Variants in HPSE2 observed in about 807,000 individuals in gnomAD.
The protein encoded by HPSE2 is inactive heparanase-2.
In HPSE2, 38 loss-of-function variants were observed where a neutral mutation model predicts 60.5. That is an observed-to-expected ratio of 0.63 (90% CI 0.48 to 0.82). HPSE2 has a LOEUF of 0.82. HPSE2 is among the 40% of genes least tolerant of loss of function. The pLI is 0.00. For synonymous variants in HPSE2, 295 were observed against 293.2 expected (o/e 1.01, Z -0.06); for missense variants, 713 against 740.4 (o/e 0.96, Z 0.43).
At chr10:98,518,195 G>A (rs560165282) in intron 9 of HPSE2, among the ~76,000 whole-genome samples, 4 of 152,312 alleles carry the variant, frequency 2.6e-5, no homozygotes, top group South Asian at 2.1e-4. Context: ...GATGGATAGG[G>A]CTTTTTCAGG....
At chr10:98,892,391 T>C (rs1360028682) in intron 3 of HPSE2, among the ~76,000 whole-genome samples, 1 of 152,170 alleles carries the variant, frequency 6.6e-6, no homozygotes, top group African/African-American at 2.4e-5. Flanking sequence ...TTTGAATAAA[T>C]ATTCTTTAAT....
chr10:98,951,824 A>C (rs901982573), intron 3 of HPSE2, among the ~76,000 whole-genome samples: 7 of 152,192 alleles, frequency 4.6e-5, no homozygotes, highest in African/African-American at 1.7e-4. Flanking sequence ...GCTAACATTT[A>C]TTCACTGCTC....
chr10:99,121,986 G>C (rs1844971884), intron 3 of HPSE2, among the ~76,000 whole-genome samples: 1 of 151,982 alleles, frequency 6.6e-6, no homozygotes, highest in South Asian at 2.1e-4. Context: ...TAGACAGAAA[G>C]AAGTCCACAA....
At chr10:98,521,038 T>C (rs953099409) in intron 9 of HPSE2, among the ~76,000 whole-genome samples, 1 of 152,200 alleles carries the variant, frequency 6.6e-6, no homozygotes, top group Non-Finnish European at 1.5e-5. Flanking sequence ...ATAAAATCCC[T>C]AGAAGAAAAC....
intron 3 of HPSE2, among the ~76,000 whole-genome samples, chr10:98,762,321 G>GA (rs926448440): frequency 1.3e-5 from 2 of 151,108 alleles, no homozygotes; most frequent in African/African-American, 2.4e-5. Context: ...AAAACCTTGA[G>GA]AAAAAAGATA....
intron 2 of HPSE2, among the ~76,000 whole-genome samples, chr10:99,223,175 ATTACTTAACC>A (rs1300087689): frequency 6.6e-5 from 10 of 152,136 alleles, no homozygotes; most frequent in Non-Finnish European, 1.2e-4. Context: ...TCTTGGGCAA[ATTACTTAACC>A]TCTCTGTGCC....
the HPSE2 span, among the ~76,000 whole-genome samples, chr10:99,248,211 C>T: frequency 1.3e-5 from 2 of 152,128 alleles, no homozygotes; most frequent in Admixed American, 1.3e-4. Context: ...AAGTTTGAAA[C>T]CTCCTAGAGC....
intron 2 of HPSE2, among the ~76,000 whole-genome samples, chr10:99,188,022 T>G (rs1376957939): frequency 2.0e-5 from 3 of 152,188 alleles, no homozygotes; most frequent in East Asian, 1.9e-4. Context: ...AATTGTATAG[T>G]AAGCAAATTC....
chr10:98,708,054 G>A (rs138051771), intron 5 of HPSE2, among the ~76,000 whole-genome samples: 1 of 152,154 alleles, frequency 6.6e-6, no homozygotes, highest in Non-Finnish European at 1.5e-5. Context: ...TTTGAAATGT[G>A]CTATGTGATT....
chr10:98,583,685 A>G (rs1214303564), intron 9 of HPSE2, among the ~76,000 whole-genome samples: 2 of 152,188 alleles, frequency 1.3e-5, no homozygotes, highest in East Asian at 3.8e-4. Flanking sequence ...TAATTCTTGT[A>G]TATTATTTCT....
chr10:98,545,723 T>C (rs1161985083), intron 9 of HPSE2, among the ~76,000 whole-genome samples: 1 of 151,872 alleles, frequency 6.6e-6, no homozygotes, highest in Non-Finnish European at 1.5e-5. Flanking sequence ...ACTGGAAGCA[T>C]TCCCTTTGAA....
intron 3 of HPSE2, among the ~76,000 whole-genome samples, chr10:99,069,444 A>G (rs1484266431): frequency 6.6e-6 from 1 of 151,896 alleles, no homozygotes; most frequent in Non-Finnish European, 1.5e-5. Flanking sequence ...TAGATTTTGG[A>G]TGTGCTTATT....
chr10:98,549,588 T>C (rs1003933267), intron 9 of HPSE2, among the ~76,000 whole-genome samples: 2 of 152,224 alleles, frequency 1.3e-5, no homozygotes, highest in African/African-American at 2.4e-5. Flanking sequence ...AAAAAGCCCT[T>C]GCCCCTTTCA....
At chr10:98,503,165 T>G (rs2133715940) in intron 9 of HPSE2, among the ~76,000 whole-genome samples, 1 of 141,004 alleles carries the variant, frequency 7.1e-6, no homozygotes, top group Admixed American at 7.5e-5. Context: ...TGAGCCAAGA[T>G]CGCGCCATTG....
intron 3 of HPSE2, among the ~76,000 whole-genome samples, chr10:98,754,267 G>A (rs750625654): frequency 2.0e-5 from 3 of 152,130 alleles, no homozygotes; most frequent in Non-Finnish European, 2.9e-5. Flanking sequence ...CTCAGAGCTC[G>A]AAGGCTAGTT....
chr10:98,497,387 G>A (rs1941880189), intron 9 of HPSE2, among the ~76,000 whole-genome samples: 1 of 152,086 alleles, frequency 6.6e-6, no homozygotes. Flanking sequence ...GTGTATGTGT[G>A]TGCATCTTAT....
At chr10:98,721,871 G>C (rs374469749) in intron 4 of HPSE2, 43 bp from the exon 5 acceptor site, 1 of 1,541,222 alleles carries the variant, frequency 6.5e-7, no homozygotes, top group South Asian at 1.1e-5. Context: ...AGAAGTGTAA[G>C]GTTCTGCCAA....
chr10:98,553,462 G>A (rs967365594), intron 9 of HPSE2, among the ~76,000 whole-genome samples: 1 of 152,158 alleles, frequency 6.6e-6, no homozygotes, highest in African/African-American at 2.4e-5. Flanking sequence ...AAATCCCTAG[G>A]GGTCAACTAC....
intron 3 of HPSE2, among the ~76,000 whole-genome samples, chr10:99,124,854 G>A (rs1359351667): frequency 6.6e-6 from 1 of 152,248 alleles, no homozygotes; most frequent in Non-Finnish European, 1.5e-5. Context: ...TCAAAATGGA[G>A]TGGGGCTCCT....
Sources: gnomAD v4.1 joint callset for allele counts (sites outside exome capture counted in the v4.1 genomes callset) on GRCh38, gnomAD v4.1.1 for gene constraint, MANE v1.5 for transcripts, NCBI Gene and HGNC (gene_info 2026-07-23, HGNC 2026-07-21) for gene names.